Variants in ANKS1B observed in about 807,000 individuals in gnomAD.
ANKS1B encodes the protein ankyrin repeat and sterile alpha motif domain-containing protein 1B.
In ANKS1B, 36 loss-of-function variants were observed where a neutral mutation model predicts 148.3. The ratio of observed to expected loss-of-function variants is 0.24; its 90% CI spans 0.19 to 0.32. ANKS1B has a LOEUF of 0.32. Among genes scored for constraint, ANKS1B ranks in the 10% least tolerant of loss-of-function variants. The pLI is 1.00. For synonymous variants in ANKS1B, 542 were observed against 560.8 expected (o/e 0.97, Z 0.47); for missense variants, 1,157 against 1,542.6 (o/e 0.75, Z 4.19).
intron 10 of ANKS1B, among the ~76,000 whole-genome samples, chr12:99,495,759 A>G (rs2096598186): frequency 6.6e-6 from 1 of 152,224 alleles, no homozygotes; most frequent in African/African-American, 2.4e-5. Flanking sequence ...AATCATGTTG[A>G]CACTACCCAC....
chr12:99,609,662 A>G (rs1396682058), intron 9 of ANKS1B, among the ~76,000 whole-genome samples: 1 of 151,642 alleles, frequency 6.6e-6, no homozygotes, highest in Non-Finnish European at 1.5e-5. Context: ...GACAGAGATC[A>G]GGGGGGATAT....
chr12:99,787,555 C>T (rs1462784393), intron 4 of ANKS1B, among the ~76,000 whole-genome samples: 2 of 152,148 alleles, frequency 1.3e-5, no homozygotes, highest in Non-Finnish European at 2.9e-5. Flanking sequence ...AGATGAAGGA[C>T]AGAGCAAAAT....
intron 9 of ANKS1B, among the ~76,000 whole-genome samples, chr12:99,597,476 A>T (rs1237926956): frequency 6.6e-6 from 1 of 152,060 alleles, no homozygotes; most frequent in Non-Finnish European, 1.5e-5. Flanking sequence ...TCTTTAAAGC[A>T]ATCATGTAAG....
At chr12:99,798,439 A>AAC (rs1555618382) in intron 4 of ANKS1B, among the ~76,000 whole-genome samples, 1,579 of 151,286 alleles carry the variant, frequency 0.01, 30 homozygotes, top group African/African-American at 0.037. Context: ...AAAAAAAAAA[A>AAC]AAAACAAAAG....
chr12:99,692,683 A>AAG (rs1555549850), intron 8 of ANKS1B, among the ~76,000 whole-genome samples: 1 of 151,392 alleles, frequency 6.6e-6, no homozygotes, highest in Non-Finnish European at 1.5e-5. Context: ...AAAAAAAAAA[A>AAG]AGGAAAAGAA....
At position 99,659,907 on chromosome 12, in the gene ANKS1B, C is replaced by T. The variant is rs1273832141; in HGVS notation, c.1129-4697G>A. On this transcript the variant is annotated intron_variant, in intron 8 of 26. Transcript: ENST00000683438. ...CTTTCTACCACACCATGGAAGCCAC[C>T]TCCTTAATTACTAGAACTCTTCAAG... 2.0e-5 allele frequency among the ~76,000 whole-genome samples: 3 copies of T among 152,114 alleles called. No homozygotes were observed. The East Asian group carries it at 5.8e-4, about 29-fold the overall frequency.
chr12:98,817,508 C>T (rs1480114592), intron 19 of ANKS1B, among the ~76,000 whole-genome samples: 5 of 152,240 alleles, frequency 3.3e-5, no homozygotes. Context: ...GGCCGCAGGC[C>T]AGCATCTGAT....
intron 17 of ANKS1B, among the ~76,000 whole-genome samples, chr12:98,917,853 C>T (rs1289900307): frequency 1.3e-5 from 2 of 152,198 alleles, no homozygotes; most frequent in Non-Finnish European, 2.9e-5. Flanking sequence ...ACAAGGTACT[C>T]AACCCTCATT....
At chr12:99,022,696 T>C (rs541570930) in intron 17 of ANKS1B, among the ~76,000 whole-genome samples, 1 of 151,904 alleles carries the variant, frequency 6.6e-6, no homozygotes, top group Non-Finnish European at 1.5e-5. Flanking sequence ...TTTCTTTTCT[T>C]TTTTTTAGAG....
At chr12:98,878,583 T>C (rs17028874) in intron 17 of ANKS1B, among the ~76,000 whole-genome samples, 1,763 of 152,186 alleles carry the variant, frequency 0.012, 34 homozygotes, top group African/African-American at 0.04. Flanking sequence ...GAGGACACCA[T>C]AGATAGGTAA....
At chr12:98,931,243 C>A (rs996090135) in intron 17 of ANKS1B, among the ~76,000 whole-genome samples, 12 of 152,156 alleles carry the variant, frequency 7.9e-5, no homozygotes, top group African/African-American at 7.2e-5. Flanking sequence ...CCATATCTTT[C>A]AAACTCAGGC....
rs371883441 is a variant in ANKS1B at position 99,372,067 on chromosome 12, A to G, written c.1756+27564T>C. 7.1e-4 allele frequency among the ~76,000 whole-genome samples: 108 copies of G among 152,256 alleles called. 2 individuals are homozygous for G. The South Asian group carries it at 0.021, about 30-fold the overall frequency. ...CAATGATGGATACATGTCTACTTAC[A>G]TATTTGTGTAAACCCATAGAATGTA... On this transcript the variant is annotated intron_variant, in intron 12 of 26. Coordinates refer to ENST00000683438, the MANE Select transcript of ANKS1B (RefSeq NM_001352186.2).
chr12:99,802,134 A>G (rs2067026127), intron 4 of ANKS1B, among the ~76,000 whole-genome samples: 1 of 152,180 alleles, frequency 6.6e-6, no homozygotes, highest in South Asian at 2.1e-4. Context: ...TATCTTACTT[A>G]GTTTTGCATC....
Position 98,751,210 on chromosome 12 carries a change from G to T in ANKS1B, c.3747+145C>A. On this transcript the variant is annotated intron_variant, in intron 26 of 26. Coordinates refer to ENST00000683438, the MANE Select transcript of ANKS1B (RefSeq NM_001352186.2). This position sits in a 1 kb window ranked among gnomAD's most constrained non-coding sequence, Gnocchi z 4.3. ...GTGGGAACCAGGCAGAGGTGATGAT[G>T]GACACATGCCAGGAGGAGGCCAAGG... 1 of 803,796 alleles carries T rather than the reference G, an allele frequency of 1.2e-6. No homozygotes were observed. The highest frequency in any genetic ancestry group is 2.7e-5 in the East Asian group (1 of 36,982). 49.8% of individuals were successfully genotyped at this position (803,796 alleles called of 1,614,324 possible). A position where few individuals can be genotyped will look rare whatever the true frequency, so the allele number is the denominator to read the frequency against.
At chr12:99,874,102 T>C (rs532209513) in intron 1 of ANKS1B, among the ~76,000 whole-genome samples, 1 of 151,666 alleles carries the variant, frequency 6.6e-6, no homozygotes, top group East Asian at 1.9e-4. Flanking sequence ...GGAATACAAG[T>C]AGAAAACACT....
intron 19 of ANKS1B, among the ~76,000 whole-genome samples, chr12:98,809,396 A>C (rs542398020): frequency 8.5e-5 from 13 of 152,330 alleles, no homozygotes; most frequent in African/African-American, 2.4e-4. Context: ...ATCCTCACCC[A>C]GTCCTGAGCT....
intron 9 of ANKS1B, among the ~76,000 whole-genome samples, chr12:99,613,706 G>T (rs963717998): frequency 1.3e-5 from 2 of 151,990 alleles, no homozygotes; most frequent in African/African-American, 2.4e-5. Context: ...TTATCAGGGG[G>T]TAGAGGGTAG....
intron 10 of ANKS1B, among the ~76,000 whole-genome samples, chr12:99,481,059 T>TA (rs1055102885): frequency 6.6e-6 from 1 of 151,686 alleles, no homozygotes; most frequent in African/African-American, 2.4e-5. Context: ...GCTTTTGAGG[T>TA]ATAAGTGGTT....
chr12:98,925,560 T>C (rs1392753408), intron 17 of ANKS1B, among the ~76,000 whole-genome samples: 1 of 152,188 alleles, frequency 6.6e-6, no homozygotes, highest in East Asian at 1.9e-4. Flanking sequence ...AAAAAGCATT[T>C]ACTTTTTTAA....
Sources: gnomAD v4.1 joint callset for allele counts (sites outside exome capture counted in the v4.1 genomes callset) on GRCh38, gnomAD v4.1.1 for gene constraint, Gnocchi (gnomAD v3.1) non-coding constraint, MANE v1.5 for transcripts, NCBI Gene and HGNC (gene_info 2026-07-23, HGNC 2026-07-21) for gene names.